Variants in MAN1A1 observed in about 807,000 individuals in gnomAD.
MAN1A1 encodes the protein mannosidase alpha class 1A member 1, also known as mannosyl-oligosaccharide 1,2-alpha-mannosidase IA.
A neutral mutation model predicts 70.8 loss-of-function variants in MAN1A1; 29 were observed. The ratio of observed to expected loss-of-function variants is 0.41; its 90% CI spans 0.31 to 0.56. MAN1A1 has a LOEUF of 0.56. Ranked by LOEUF, MAN1A1 falls within the 20% of genes least tolerant of loss-of-function variation. The pLI is 0.29. For missense variants in MAN1A1, 747 were observed against 841.3 expected, an observed-to-expected ratio of 0.89 and a Z score of 1.39; for synonymous variants, 349 against 330.1, an observed-to-expected ratio of 1.06 and a Z score of -0.62.
At chr6:119,262,833 G>A (rs1339885844) in intron 5 of MAN1A1, among the ~76,000 whole-genome samples, 2 of 152,166 alleles carry the variant, frequency 1.3e-5, no homozygotes, top group Non-Finnish European at 2.9e-5. Context: ...AATACTGAGT[G>A]TCAACTTGAT....
At chr6:119,195,486 G>T (rs768084187) in intron 8 of MAN1A1, among the ~76,000 whole-genome samples, 10 of 152,128 alleles carry the variant, frequency 6.6e-5, no homozygotes, top group Admixed American at 1.3e-4. Context: ...CTTCCTCAAA[G>T]GAGTGTTCTC....
chr6:119,221,759 A>G (rs535277201), intron 6 of MAN1A1, among the ~76,000 whole-genome samples: 2 of 152,018 alleles, frequency 1.3e-5, no homozygotes, highest in Non-Finnish European at 2.9e-5. Context: ...GGCCTCAGAG[A>G]CCTATTTTCC....
upstream of MAN1A1, chr6:119,349,814 G>A: frequency 1.1e-6 from 1 of 940,190 alleles, no homozygotes; most frequent in Non-Finnish European, 1.3e-6. Context: ...GACGCGGCCG[G>A]AGAGTGACGG....
At chr6:119,227,442 C>T (rs1774549303) in intron 6 of MAN1A1, among the ~76,000 whole-genome samples, 1 of 152,144 alleles carries the variant, frequency 6.6e-6, no homozygotes. Flanking sequence ...AAAGTGGATA[C>T]AAAGCAAAAA....
At chr6:119,234,000 T>A (rs1774765880) in intron 6 of MAN1A1, among the ~76,000 whole-genome samples, 1 of 152,208 alleles carries the variant, frequency 6.6e-6, no homozygotes, top group African/African-American at 2.4e-5. Context: ...GGCAAAGTAT[T>A]TAATCAAGAG....
intron 11 of MAN1A1, among the ~76,000 whole-genome samples, chr6:119,184,787 C>T (rs557742933): frequency 7.9e-5 from 12 of 152,088 alleles, no homozygotes. Context: ...TCAGCTGAGA[C>T]ATTATATAAT....
intron 5 of MAN1A1, among the ~76,000 whole-genome samples, chr6:119,268,052 G>A (rs777219413): frequency 1.3e-5 from 2 of 152,178 alleles, no homozygotes; most frequent in Non-Finnish European, 2.9e-5. Context: ...GCACTATGTG[G>A]TTTGCTCTCC....
chr6:119,303,549 T>C (rs1434690514), intron 3 of MAN1A1, among the ~76,000 whole-genome samples: 1 of 152,134 alleles, frequency 6.6e-6, no homozygotes, highest in East Asian at 1.9e-4. Context: ...GAAACTTCAC[T>C]CCCCTTTCCC....
intron 5 of MAN1A1, among the ~76,000 whole-genome samples, chr6:119,249,164 C>T (rs990062544): frequency 5.3e-5 from 8 of 152,114 alleles, no homozygotes; most frequent in Non-Finnish European, 8.8e-5. Flanking sequence ...CTCCTCCCGA[C>T]AGAAGGCGGC....
chr6:119,215,213 CAAA>C (rs1278981754), intron 6 of MAN1A1, among the ~76,000 whole-genome samples: 1 of 150,160 alleles, frequency 6.7e-6, no homozygotes, highest in Non-Finnish European at 1.5e-5. Flanking sequence ...AAAAAAAAAA[CAAA>C]AAACAAATTA....
chr6:119,220,354 T>C lies in MAN1A1; in HGVS notation c.993-15472A>G, dbSNP rs146856260. On this transcript the variant is annotated intron_variant, in intron 6 of 12. Coordinates refer to ENST00000368468, the MANE Select transcript of MAN1A1 (RefSeq NM_005907.4). ...TTTACTTGGTGAGTTTAAAGATACA[T>C]TGATTAAATTTTAATTTAATTAAAC... Among the ~76,000 whole-genome samples, 303 of 152,302 alleles carry C rather than the reference T, an allele frequency of 2.0e-3. 8 individuals carry two copies. The East Asian group carries it at 0.044, about 22-fold the overall frequency.
chr6:119,231,763 C>T (rs931856440), intron 6 of MAN1A1, among the ~76,000 whole-genome samples: 6 of 151,964 alleles, frequency 3.9e-5, no homozygotes, highest in African/African-American at 1.2e-4. Flanking sequence ...ATCACAAAGA[C>T]GGGGAGAAGA....
chr6:119,344,648 T>C (rs987666731), intron 2 of MAN1A1, among the ~76,000 whole-genome samples: 1 of 152,214 alleles, frequency 6.6e-6, no homozygotes, highest in African/African-American at 2.4e-5. Flanking sequence ...CCCATAAAAA[T>C]AAACTGGAAA....
At chr6:119,347,950 T>C (rs1773778309) in intron 2 of MAN1A1, among the ~76,000 whole-genome samples, 1 of 152,230 alleles carries the variant, frequency 6.6e-6, no homozygotes. Context: ...TATCCCTCGA[T>C]GATGGGAAGT....
intron 6 of MAN1A1, among the ~76,000 whole-genome samples, chr6:119,217,450 T>C (rs1051125770): frequency 2.0e-5 from 3 of 152,068 alleles, no homozygotes; most frequent in African/African-American, 7.2e-5. Flanking sequence ...CCTGGCTAAT[T>C]TTTTGTATTT....
intron 11 of MAN1A1, among the ~76,000 whole-genome samples, chr6:119,183,675 T>G (rs1269352352): frequency 6.6e-6 from 1 of 152,166 alleles, no homozygotes; most frequent in Non-Finnish European, 1.5e-5. Context: ...CTCCTTCTTT[T>G]GTTAGAGGAG....
intron 5 of MAN1A1, among the ~76,000 whole-genome samples, chr6:119,280,160 C>T (rs1776191884): frequency 6.6e-6 from 1 of 152,176 alleles, no homozygotes; most frequent in South Asian, 2.1e-4. Flanking sequence ...TTACTCCTGT[C>T]CATTCTTTCA....
At chr6:119,197,932 C>A (rs1458792402) in intron 8 of MAN1A1, among the ~76,000 whole-genome samples, 1 of 152,162 alleles carries the variant, frequency 6.6e-6, no homozygotes, top group African/African-American at 2.4e-5. Flanking sequence ...TCCAGTACAA[C>A]TGGCTCCTTC....
chr6:119,220,967 A>C (rs1774344002), intron 6 of MAN1A1, among the ~76,000 whole-genome samples: 1 of 152,154 alleles, frequency 6.6e-6, no homozygotes, highest in African/African-American at 2.4e-5. Flanking sequence ...CCCAGTGAAA[A>C]CATGTTATAA....
Sources: allele counts gnomAD v4.1 joint callset (sites outside exome capture counted in the v4.1 genomes callset), GRCh38; gene constraint gnomAD v4.1.1; transcripts MANE v1.5; gene names NCBI Gene and HGNC (gene_info 2026-07-23, HGNC 2026-07-21).